PLXNA4: variants seen among roughly 807,000 people sequenced by gnomAD.
PLXNA4 encodes the protein plexin-A4.
PLXNA4 carries 44 observed loss-of-function variants against 191.8 expected under a neutral mutation model. That is an observed-to-expected ratio of 0.23 (90% CI 0.18 to 0.29). The LOEUF (loss-of-function observed/expected upper bound fraction) is 0.29, where lower values mean the gene tolerates loss of function less well. PLXNA4 is among the 10% of genes least tolerant of loss of function. The probability of loss-of-function intolerance (pLI) is 1.00; values close to 1 mark genes in which losing one functional copy is unlikely to be tolerated. For synonymous variants in PLXNA4, 1,082 were observed against 1,009.5 expected, an observed-to-expected ratio of 1.07 and a Z score of -1.36; for missense variants, 1,800 against 2,488.8, an observed-to-expected ratio of 0.72 and a Z score of 5.89.
intron 4 of PLXNA4, among the ~76,000 whole-genome samples, chr7:132,284,962 A>C (rs1036656612): frequency 6.6e-6 from 1 of 151,866 alleles, no homozygotes; most frequent in Non-Finnish European, 1.5e-5. Flanking sequence ...TGATCTGCCC[A>C]CCTCAGCCTC....
intron 2 of PLXNA4, among the ~76,000 whole-genome samples, chr7:132,612,333 T>C (rs1803065406): frequency 6.6e-6 from 1 of 152,172 alleles, no homozygotes; most frequent in Admixed American, 6.5e-5. Context: ...TGGCAGTCTC[T>C]GTCACAGATT....
At position 132,379,351 on chromosome 7, in the gene PLXNA4, CCA is replaced by C. The variant is rs151202219; in HGVS notation, c.1372-81131_1372-81130del. On this transcript the variant is annotated intron_variant, in intron 3 of 31. Transcript: ENST00000321063. The stretch of plus-strand genomic sequence containing the variant: ...ATGTCCCTCCTCATGTGGGAGCCTA[CCA>C]CGCAAGGGAGAACCAGGACTAGGTT... 3.3e-3 allele frequency among the ~76,000 whole-genome samples: 496 copies of C among 152,236 alleles called. 11 individuals are homozygous for C. The East Asian group carries it at 0.063, about 19-fold the overall frequency.
intron 9 of PLXNA4, 122 bp from the exon 10 acceptor site, chr7:132,211,265 CCT>C (rs1176336955): frequency 6.7e-6 from 7 of 1,049,384 alleles, no homozygotes; most frequent in Non-Finnish European, 9.6e-6. Flanking sequence ...ACAGGCGACC[CCT>C]GAGGTGCTCG....
chr7:132,196,152 A>C (rs1029236475), intron 13 of PLXNA4, among the ~76,000 whole-genome samples: 4 of 152,252 alleles, frequency 2.6e-5, no homozygotes, highest in Non-Finnish European at 4.4e-5. Flanking sequence ...ATAAATGAAG[A>C]AACTGAGACA....
At chr7:132,568,390 A>G (rs900473916) in intron 1 of PLXNA4, among the ~76,000 whole-genome samples, 3 of 152,166 alleles carry the variant, frequency 2.0e-5, no homozygotes, top group Non-Finnish European at 2.9e-5. Context: ...TAAATGGGAT[A>G]ATAGTGTAGT....
chr7:132,609,300 A>G (rs1056421662), intron 2 of PLXNA4, among the ~76,000 whole-genome samples: 1 of 152,096 alleles, frequency 6.6e-6, no homozygotes, highest in African/African-American at 2.4e-5. Context: ...GTGGTCAGCG[A>G]CAAACTGTTT....
intron 3 of PLXNA4, among the ~76,000 whole-genome samples, chr7:132,347,935 T>C (rs1386290781): frequency 1.3e-5 from 2 of 152,130 alleles, no homozygotes; most frequent in Admixed American, 6.6e-5. Context: ...ATGGGCACTA[T>C]GGTTTGAGCA....
intron 4 of PLXNA4, among the ~76,000 whole-genome samples, chr7:132,289,762 C>T (rs1800817528): frequency 6.6e-6 from 1 of 151,930 alleles, no homozygotes; most frequent in South Asian, 2.1e-4. Context: ...CAAACTCCTG[C>T]CCTCAACCAA....
chr7:132,634,673 G>T (rs1453788943), intron 2 of PLXNA4, among the ~76,000 whole-genome samples: 1 of 152,076 alleles, frequency 6.6e-6, no homozygotes, highest in African/African-American at 2.4e-5. Context: ...ACCCTTGCAG[G>T]CCTCACTCAG....
chr7:132,456,248 A>G (rs1192711938), intron 3 of PLXNA4, among the ~76,000 whole-genome samples: 1 of 151,720 alleles, frequency 6.6e-6, no homozygotes, highest in Non-Finnish European at 1.5e-5. Flanking sequence ...AGTAGCTGGG[A>G]CTACAGGTGC....
rs144617247 is a variant in PLXNA4 at position 132,563,094 on chromosome 7, TTCC to T, written c.-87+13325_-87+13327del. On this transcript the variant is annotated intron_variant, in intron 1 of 31. Coordinates refer to ENST00000321063, the MANE Select transcript of PLXNA4 (RefSeq NM_020911.2). The stretch of plus-strand genomic sequence containing the variant: ...CCTCCTCCTTCTCCTCCTCCTCTTC[TTCC>T]TCCTCCTCCTCTCCCTCCTCCTCCT... Among the ~76,000 whole-genome samples the T allele has an allele frequency of 4.1e-3, 141 of 33,986 alleles. 1 individual carries two copies. Among genetic ancestry groups the T allele is most frequent in the Middle Eastern group, 0.062 (1 of 16 alleles). 22.3% of individuals were successfully genotyped at this position (33,986 alleles called of 152,430 possible). A position where few individuals can be genotyped will look rare whatever the true frequency, so the allele number is the denominator to read the frequency against.
chr7:132,464,078 G>A (rs1235117018), intron 3 of PLXNA4, among the ~76,000 whole-genome samples: 2 of 152,190 alleles, frequency 1.3e-5, no homozygotes, highest in African/African-American at 4.8e-5. Flanking sequence ...AATGTTACTA[G>A]GACACAGTTT....
At chr7:132,313,031 G>T (rs1043806980) in intron 3 of PLXNA4, among the ~76,000 whole-genome samples, 1 of 152,092 alleles carries the variant, frequency 6.6e-6, no homozygotes, top group African/African-American at 2.4e-5. Flanking sequence ...CTTTTTTGAT[G>T]GTCTTGAGGC....
intron 3 of PLXNA4, among the ~76,000 whole-genome samples, chr7:132,402,354 G>T (rs1276913260): frequency 2.0e-5 from 3 of 152,146 alleles, no homozygotes; most frequent in African/African-American, 7.2e-5. Flanking sequence ...AAGTAACTTG[G>T]GGCACTCACC....
chr7:132,504,121 T>A (rs1294259831), intron 2 of PLXNA4, among the ~76,000 whole-genome samples: 2 of 152,188 alleles, frequency 1.3e-5, no homozygotes, highest in African/African-American at 4.8e-5. Context: ...TCATCTCCAA[T>A]GGGAGCACAG....
intron 4 of PLXNA4, among the ~76,000 whole-genome samples, chr7:132,277,628 G>A (rs1026779537): frequency 3.3e-5 from 5 of 152,150 alleles, no homozygotes; most frequent in East Asian, 3.9e-4. Flanking sequence ...AACTGTTGGC[G>A]GTTTATGCTT....
At chr7:132,481,502 A>C (rs900524335) in intron 3 of PLXNA4, among the ~76,000 whole-genome samples, 1 of 151,540 alleles carries the variant, frequency 6.6e-6, no homozygotes, top group African/African-American at 2.4e-5. Context: ...AAGGTGTAAC[A>C]TTTACCCCAC....
At chr7:132,485,461 C>A (rs749646720) in intron 3 of PLXNA4, among the ~76,000 whole-genome samples, 12 of 152,092 alleles carry the variant, frequency 7.9e-5, no homozygotes, top group Non-Finnish European at 1.5e-4. Context: ...AAAATGATCG[C>A]TTAGTGAAAG....
At chr7:132,476,286 G>A (rs890195687) in intron 3 of PLXNA4, among the ~76,000 whole-genome samples, 1 of 152,132 alleles carries the variant, frequency 6.6e-6, no homozygotes, top group Non-Finnish European at 1.5e-5. Flanking sequence ...TAAGGCCCCT[G>A]CAATTGCTGT....
Sources: allele counts gnomAD v4.1 joint callset (sites outside exome capture counted in the v4.1 genomes callset), GRCh38; gene constraint gnomAD v4.1.1; transcripts MANE v1.5; gene names NCBI Gene and HGNC (gene_info 2026-07-23, HGNC 2026-07-21).